The following HPSE2 variants were observed in gnomAD, a reference collection of about 807,000 sequenced individuals.
HPSE2 encodes the protein inactive heparanase-2.
A neutral mutation model predicts 60.5 loss-of-function variants in HPSE2; 38 were observed. The ratio of observed to expected loss-of-function variants is 0.63; its 90% CI spans 0.48 to 0.82. The LOEUF is 0.82. HPSE2 is among the 40% of genes least tolerant of loss of function. The pLI is 0.00. For synonymous variants in HPSE2, 295 were observed against 293.2 expected (o/e 1.01, Z -0.06); for missense variants, 713 against 740.4 (o/e 0.96, Z 0.43).
At chr10:98,651,091 A>G (rs1946901460) in intron 6 of HPSE2, among the ~76,000 whole-genome samples, 1 of 152,222 alleles carries the variant, frequency 6.6e-6, no homozygotes, top group Admixed American at 6.5e-5. Context: ...TCATAGAGCT[A>G]TACCTTCTTA....
At chr10:98,877,224 T>C (rs1361458597) in intron 3 of HPSE2, among the ~76,000 whole-genome samples, 1 of 151,884 alleles carries the variant, frequency 6.6e-6, no homozygotes, top group Non-Finnish European at 1.5e-5. Context: ...TTAATGTCCT[T>C]TTACAGTAGC....
rs543767349 is a variant in HPSE2 at position 98,921,403 on chromosome 10, C to T, written c.611-177347G>A. The stretch of plus-strand genomic sequence containing the variant: ...CTGAGAAGCTATGTACGTGGCCACA[C>T]ATTAAGGCTCAGCCTTCACTCACAG... On this transcript the variant is annotated intron_variant, in intron 3 of 11. Coordinates refer to ENST00000370552, the MANE Select transcript of HPSE2 (RefSeq NM_021828.5). Among the ~76,000 whole-genome samples, 16 of 152,290 alleles carry T rather than the reference C, an allele frequency of 1.1e-4. 1 individual carries two copies. Among genetic ancestry groups the T allele is most frequent in the East Asian group, 9.7e-4 (5 of 5,176 alleles).
rs185482800 is a variant in HPSE2, at chr10:98,604,768, G to A, written c.1320+10136C>T. Among the ~76,000 whole-genome samples, 99 of 152,340 alleles carry A rather than the reference G, an allele frequency of 6.5e-4. 1 individual carries two copies. Among genetic ancestry groups the A allele is most frequent in the African/African-American group, 2.1e-3 (86 of 41,582 alleles). ...CAGCTGGGAGGTCCATCTGAAGATA[G>A]TGGTATGGAAATAACATATTGAAAT... On this transcript the variant is annotated intron_variant, in intron 9 of 11. Coordinates refer to ENST00000370552, the MANE Select transcript of HPSE2 (RefSeq NM_021828.5).
intron 3 of HPSE2, among the ~76,000 whole-genome samples, chr10:98,909,657 A>T (rs1953927004): frequency 6.6e-6 from 1 of 152,176 alleles, no homozygotes; most frequent in African/African-American, 2.4e-5. Context: ...AAATGAAAAA[A>T]AAAGTTTGGT....
rs116160376 is a variant in HPSE2 at position 98,578,804 on chromosome 10, C to A, written c.1320+36100G>T. ...TCCCTCATCCTATGCTCCTCCATTT[C>A]CCTCTGCTTCTCTTTCTTCTTCAGA... On this transcript the variant is annotated intron_variant, in intron 9 of 11. Transcript: ENST00000370552. Among the ~76,000 whole-genome samples, 713 of 152,206 alleles carry A rather than the reference C, an allele frequency of 4.7e-3. 8 individuals are homozygous for A. The highest frequency in any genetic ancestry group is 0.016 in the African/African-American group (683 of 41,536).
intron 3 of HPSE2, among the ~76,000 whole-genome samples, chr10:98,796,508 A>C (rs2134505377): frequency 6.6e-6 from 1 of 152,312 alleles, no homozygotes; most frequent in African/African-American, 2.4e-5. Flanking sequence ...AACCACAGTA[A>C]AATGGAACAT....
chr10:98,672,478 A>C (rs1947531451), intron 6 of HPSE2, among the ~76,000 whole-genome samples: 1 of 152,196 alleles, frequency 6.6e-6, no homozygotes, highest in African/African-American at 2.4e-5. Context: ...ACAAGCTATG[A>C]GTTTCAAAGA....
At chr10:98,583,698 A>G (rs1216612253) in intron 9 of HPSE2, among the ~76,000 whole-genome samples, 1 of 152,206 alleles carries the variant, frequency 6.6e-6, no homozygotes, top group Non-Finnish European at 1.5e-5. Context: ...TTATTTCTAA[A>G]TAAACCCTTT....
At chr10:98,617,757 A>G (rs544835370) in intron 8 of HPSE2, among the ~76,000 whole-genome samples, 1 of 152,334 alleles carries the variant, frequency 6.6e-6, no homozygotes, top group Admixed American at 6.5e-5. Context: ...CCACTCCACT[A>G]AAGGTGAATA....
chr10:98,498,845 T>C (rs1941936714), intron 9 of HPSE2, among the ~76,000 whole-genome samples: 1 of 152,066 alleles, frequency 6.6e-6, no homozygotes, highest in Admixed American at 6.6e-5. Context: ...ACTTATAGAA[T>C]TGCAAAATGT....
intron 5 of HPSE2, among the ~76,000 whole-genome samples, chr10:98,704,499 G>C (rs1948494908): frequency 6.6e-6 from 1 of 151,950 alleles, no homozygotes; most frequent in African/African-American, 2.4e-5. Context: ...CATGCTACCT[G>C]ACTTCAAACT....
chr10:99,072,390 C>T (rs968432684), intron 3 of HPSE2, among the ~76,000 whole-genome samples: 7 of 152,084 alleles, frequency 4.6e-5, no homozygotes, highest in African/African-American at 1.7e-4. Flanking sequence ...AAAAATTTTC[C>T]AATCTATCTA....
Position 99,163,307 on chromosome 10 carries a change from A to G in HPSE2, c.449-18908T>C, listed in dbSNP as rs905497671. Among the ~76,000 whole-genome samples the G allele has an allele frequency of 3.3e-5, 5 of 152,060 alleles. No individual in the cohort carries two copies. In the East Asian group the frequency reaches 7.7e-4, roughly 23 times the overall value. On this transcript the variant is annotated intron_variant, in intron 2 of 11. Transcript: ENST00000370552. ...CCCATCCACATCCATGCACCCTCACATTCTATTCTTTGATAACATTTTGCC... is the reference window on the plus strand; with the variant it reads ...CCCATCCACATCCATGCACCCTCACGTTCTATTCTTTGATAACATTTTGCC...
At chr10:99,149,963 G>A (rs10786511) in intron 2 of HPSE2, among the ~76,000 whole-genome samples, 77,168 of 151,002 alleles carry the variant, frequency 0.51, 21,443 homozygotes, top group East Asian at 0.65. Flanking sequence ...TCTTACAGAT[G>A]TTCTTTGTTG....
chr10:99,264,334 G>A, the HPSE2 span, among the ~76,000 whole-genome samples: 6,648 of 152,070 alleles, frequency 0.044, 200 homozygotes, highest in Non-Finnish European at 0.066. Flanking sequence ...TGATCCGCCC[G>A]CCTCAGCCTC....
chr10:99,107,271 G>C (rs73329904), intron 3 of HPSE2, among the ~76,000 whole-genome samples: 1,716 of 152,218 alleles, frequency 0.011, 35 homozygotes, highest in African/African-American at 0.038. Flanking sequence ...TTTTGAAACA[G>C]AGTATTTAAA....
intron 3 of HPSE2, among the ~76,000 whole-genome samples, chr10:98,825,619 G>A (rs1374846934): frequency 2.0e-4 from 30 of 150,518 alleles, no homozygotes; most frequent in African/African-American, 7.1e-4. Context: ...TTGGGGGGGC[G>A]GGGGTGGGGG....
At chr10:99,062,268 C>T (rs1009637636) in intron 3 of HPSE2, among the ~76,000 whole-genome samples, 1 of 152,126 alleles carries the variant, frequency 6.6e-6, no homozygotes, top group Non-Finnish European at 1.5e-5. Context: ...AGGTGGATGC[C>T]AGTTTCTCCT....
intron 4 of HPSE2, among the ~76,000 whole-genome samples, chr10:98,725,732 C>T (rs1429129874): frequency 4.6e-5 from 7 of 152,136 alleles, no homozygotes; most frequent in African/African-American, 9.6e-5. Flanking sequence ...ATTTTTGCAA[C>T]CTACTCATCT....
Sources: gnomAD v4.1 joint callset for allele counts (sites outside exome capture counted in the v4.1 genomes callset) on GRCh38, gnomAD v4.1.1 for gene constraint, MANE v1.5 for transcripts, NCBI Gene and HGNC (gene_info 2026-07-23, HGNC 2026-07-21) for gene names.